Variants in SEC24B observed in about 807,000 individuals in gnomAD.
SEC24B encodes SEC24 homolog B, COPII component.
Under a neutral mutation model 142.8 loss-of-function variants are expected in SEC24B, and 45 were observed. That is an observed-to-expected ratio of 0.32 (90% CI 0.25 to 0.40). The LOEUF (loss-of-function observed/expected upper bound fraction) is 0.40. Among genes scored for constraint, SEC24B ranks in the 10% least tolerant of loss-of-function variants. SEC24B has a pLI of 1.00. For missense variants in SEC24B, 1,409 were observed against 1,526.8 expected, an observed-to-expected ratio of 0.92 and a Z score of 1.29; for synonymous variants, 574 against 568.2, an observed-to-expected ratio of 1.01 and a Z score of -0.15.
rs1244210864 is a variant in SEC24B at position 109,433,816 on chromosome 4, C to T, written c.-54C>T. ...CTCTCTCCTCTCCGGCCCCGCCTTC[C>T]CTTCCCTCCGCCCACCTCCCTGAAG... On this transcript the variant is annotated 5_prime_UTR_variant, in exon 1 of 24. Transcript: ENST00000265175. The T allele has an allele frequency of 4.7e-5, 58 of 1,226,832 alleles. No individual in the cohort carries two copies. Among genetic ancestry groups the T allele is most frequent in the Non-Finnish European group, 5.8e-5 (57 of 980,958 alleles). 76.0% of individuals were successfully genotyped at this position (1,226,832 alleles called of 1,614,324 possible).
At chr4:109,527,667 G>A (rs1032296011) in intron 18 of SEC24B, among the ~76,000 whole-genome samples, 1 of 151,908 alleles carries the variant, frequency 6.6e-6, no homozygotes, top group African/African-American at 2.4e-5. Context: ...AGCTTCTCAG[G>A]AGACTGAGAC....
At chr4:109,476,404 G>A (rs1206551451) in intron 3 of SEC24B, among the ~76,000 whole-genome samples, 1 of 152,070 alleles carries the variant, frequency 6.6e-6, no homozygotes, top group African/African-American at 2.4e-5. Context: ...GAAATGAATG[G>A]GCTGTCTCCT....
At chr4:109,454,558 A>G (rs1730464742) in intron 1 of SEC24B, among the ~76,000 whole-genome samples, 1 of 151,868 alleles carries the variant, frequency 6.6e-6, no homozygotes. Flanking sequence ...AAAAGAAAGA[A>G]AAATAAAACA....
chr4:109,507,726 A>G (rs1052625899), intron 7 of SEC24B, among the ~76,000 whole-genome samples: 1 of 151,462 alleles, frequency 6.6e-6, no homozygotes, highest in Non-Finnish European at 1.5e-5. Context: ...GCTCACCGCA[A>G]TCTCCGCCTC....
intron 1 of SEC24B, among the ~76,000 whole-genome samples, chr4:109,434,734 C>T (rs977804365): frequency 1.3e-5 from 2 of 152,196 alleles, no homozygotes; most frequent in South Asian, 4.1e-4. Context: ...ATCTTTAGAT[C>T]TGGGTGTTTT....
chr4:109,438,209 T>C (rs1049005733), intron 1 of SEC24B, among the ~76,000 whole-genome samples: 1 of 152,258 alleles, frequency 6.6e-6, no homozygotes, highest in African/African-American at 2.4e-5. Flanking sequence ...TAGAACAGTA[T>C]AGGCAAGTTA....
chr4:109,495,911 A>G (rs1336627268), intron 6 of SEC24B, among the ~76,000 whole-genome samples: 1 of 152,232 alleles, frequency 6.6e-6, no homozygotes, highest in East Asian at 1.9e-4. Flanking sequence ...GAGGATTCCC[A>G]TACCCTCACT....
At chr4:109,530,266 C>T (rs752198694) in intron 18 of SEC24B, 23 bp from the exon 19 acceptor site, 6 of 1,597,530 alleles carry the variant, frequency 3.8e-6, no homozygotes, top group African/African-American at 2.7e-5. Context: ...GTTAAAATAC[C>T]TTTCACTTTG....
intron 1 of SEC24B, among the ~76,000 whole-genome samples, chr4:109,434,206 G>T (rs1234298236): frequency 6.6e-6 from 1 of 151,544 alleles, no homozygotes; most frequent in Non-Finnish European, 1.5e-5. Context: ...CGGGGCGCGC[G>T]GGGGTGGGAC....
In SEC24B at chr4:109,533,702, C is replaced by T. The variant is rs745385623; in HGVS notation, c.3588+17C>T. 2.5e-5 allele frequency: 35 copies of T among 1,399,010 alleles called. No homozygotes were observed. The highest frequency in any genetic ancestry group is 3.1e-5 in the Non-Finnish European group (31 of 1,000,164). 86.7% of individuals were successfully genotyped at this position (1,399,010 alleles called of 1,614,324 possible). A position where few individuals can be genotyped will look rare whatever the true frequency, so the allele number is the denominator to read the frequency against. ...CAGAAAATGGTCAGTAGATTTTATA[C>T]ACCTTTAACTTTTTGTTTGCTCATT... On this transcript the variant is annotated intron_variant, in intron 22 of 23. Transcript: ENST00000265175.
At chr4:109,486,208 A>G (rs1578870331) in intron 4 of SEC24B, among the ~76,000 whole-genome samples, 1 of 152,308 alleles carries the variant, frequency 6.6e-6, no homozygotes, top group South Asian at 2.1e-4. Context: ...GTTACTAATG[A>G]GGAGCAGCTC....
chr4:109,508,670 C>T (rs929388167), intron 7 of SEC24B, among the ~76,000 whole-genome samples: 10 of 152,040 alleles, frequency 6.6e-5, no homozygotes, highest in African/African-American at 2.2e-4. Context: ...GTGTGTTTTG[C>T]GAAAATGTCT....
chr4:109,449,208 C>T (rs1049049530), intron 1 of SEC24B, among the ~76,000 whole-genome samples: 1 of 152,000 alleles, frequency 6.6e-6, no homozygotes, highest in African/African-American at 2.4e-5. Context: ...ACATCATTGA[C>T]TGAGGCTTAA....
At chr4:109,447,257 C>T (rs1217839158) in intron 1 of SEC24B, among the ~76,000 whole-genome samples, 2 of 151,968 alleles carry the variant, frequency 1.3e-5, no homozygotes, top group Admixed American at 6.6e-5. Context: ...TGATTCTCAG[C>T]CTTTTCATAC....
At chr4:109,452,840 A>G (rs1730246982) in intron 1 of SEC24B, among the ~76,000 whole-genome samples, 1 of 151,514 alleles carries the variant, frequency 6.6e-6, no homozygotes, top group Admixed American at 6.6e-5. Flanking sequence ...TATTCTTTTA[A>G]TTTTCCTGAA....
At position 109,534,279 on chromosome 4, in the gene SEC24B, G is replaced by T. The variant is rs1028084183; in HGVS notation, c.3588+594G>T. Among the ~76,000 whole-genome samples, 145 of 147,590 alleles carry T rather than the reference G, an allele frequency of 9.8e-4. 1 individual carries two copies. The highest frequency in any genetic ancestry group is 3.0e-3 in the African/African-American group (124 of 40,750). On this transcript the variant is annotated intron_variant, in intron 22 of 23. Transcript: ENST00000265175. ...CAGATCACTAGAAGAAATATTTGTG[G>T]TTTTTTTTTTTATACTATTAAAATG...
chr4:109,449,671 T>C (rs1201972877), intron 1 of SEC24B, among the ~76,000 whole-genome samples: 1 of 152,094 alleles, frequency 6.6e-6, no homozygotes, highest in African/African-American at 2.4e-5. Context: ...GAGAGATCTC[T>C]CTCTTCTTTT....
intron 2 of SEC24B, among the ~76,000 whole-genome samples, chr4:109,471,471 C>A (rs901534956): frequency 6.6e-6 from 1 of 152,112 alleles, no homozygotes; most frequent in Non-Finnish European, 1.5e-5. Context: ...ATATCTTTCT[C>A]AGTTTTTACT....
chr4:109,496,651 G>A (rs1185490376), intron 6 of SEC24B, among the ~76,000 whole-genome samples: 1 of 152,074 alleles, frequency 6.6e-6, no homozygotes, highest in Non-Finnish European at 1.5e-5. Context: ...TTGAGCAGGG[G>A]TGGGGCAAAA....
Sources: gnomAD v4.1 joint callset for allele counts (sites outside exome capture counted in the v4.1 genomes callset) on GRCh38, gnomAD v4.1.1 for gene constraint, MANE v1.5 for transcripts, NCBI Gene and HGNC (gene_info 2026-07-23, HGNC 2026-07-21) for gene names.